FAH: variants seen among roughly 807,000 people sequenced by gnomAD.
The protein encoded by FAH is fumarylacetoacetase.
A neutral mutation model predicts 55.8 loss-of-function variants in FAH; 47 were observed. The observed-to-expected ratio is 0.84, with a 90% CI of 0.67 to 1.07. FAH has a LOEUF of 1.07. Among genes scored for constraint, FAH ranks in the 50% least tolerant of loss-of-function variants. FAH has a pLI of 0.00. For synonymous variants in FAH, 199 were observed against 207.7 expected (o/e 0.96, Z 0.36); for missense variants, 495 against 545.9 (o/e 0.91, Z 0.93).
chr15:80,180,997 A>T, intron 12 of FAH, 45 bp from the exon 13 acceptor site: 1 of 1,502,910 alleles, frequency 6.7e-7, no homozygotes, highest in Non-Finnish European at 9.2e-7. Flanking sequence ...GCCAGAGCCA[A>T]GGCATAAATT....
rs2041253905 is a variant in FAH at position 80,173,017 on chromosome 15, G to A, written c.710G>A (p.Arg237Gln). The change falls in exon 9 of 14, where the codon CGA becomes CAA. Residue 237 changes from arginine (R) to glutamine (Q), a missense_variant. Physicochemically the swap from Arg to Gln is conservative, Grantham distance 43. Coordinates refer to ENST00000561421, the MANE Select transcript of FAH (RefSeq NM_000137.4). The part of the protein sequence containing the change: ...GMVLMNDWSA[R>Q]DIQKWEYVPL... ...TGGCTGTGCCCTTCTTCTGCAGCAC[G>A]AGACATTCAGAAGTGGGAGTATGTC... 3.1e-6 allele frequency: 5 copies of A among 1,614,198 alleles called. No homozygotes were observed. The highest frequency in any genetic ancestry group is 1.3e-5 in the African/African-American group (1 of 75,050).
chr15:80,173,703 T>G, intron 9 of FAH: 1 of 217,834 alleles, frequency 4.6e-6, no homozygotes, highest in South Asian at 7.2e-5. Flanking sequence ...TGTGACCCGA[T>G]AGTCAGTGTC....
intron 2 of FAH, among the ~76,000 whole-genome samples, chr15:80,159,204 C>T (rs1032539367): frequency 2.0e-5 from 3 of 151,162 alleles, no homozygotes; most frequent in African/African-American, 7.3e-5. Flanking sequence ...CATCAGTGCA[C>T]TCCAGCCTGG....
In FAH at chr15:80,159,886, C is replaced by T. The variant is rs952662827; in HGVS notation, c.314+9C>T. 1.9e-6 allele frequency: 3 copies of T among 1,613,892 alleles called. No individual in the cohort carries two copies. The African/African-American group carries it at 4.0e-5, about 22-fold the overall frequency. On this transcript the variant is annotated intron_variant, in intron 3 of 13. Coordinates refer to ENST00000561421, the MANE Select transcript of FAH (RefSeq NM_000137.4). ...ACCGAACTTCGGAAGTGGTGAGAAGCACGTGGTCATAGGGGGGATGAGGGG... is the reference window on the plus strand; with the variant it reads ...ACCGAACTTCGGAAGTGGTGAGAAGTACGTGGTCATAGGGGGGATGAGGGG...
At chr15:80,173,448 G>C in intron 9 of FAH, 1 of 490,218 alleles carries the variant, frequency 2.0e-6, no homozygotes, top group Non-Finnish European at 3.7e-6. Flanking sequence ...GTCCCTGCAG[G>C]TACCAACATT....
intron 2 of FAH, 106 bp downstream of exon 2, chr15:80,158,276 G>A (rs1054379598): frequency 3.1e-5 from 27 of 863,094 alleles, no homozygotes; most frequent in African/African-American, 2.3e-4. Flanking sequence ...TAATGCCATC[G>A]AAGGTCTCAG....
chr15:80,152,931 T>A, upstream of FAH: 1 of 776,026 alleles, frequency 1.3e-6, no homozygotes, highest in Non-Finnish European at 2.1e-6. Context: ...GTCCCTGCTG[T>A]GTCACCCGGA....
chr15:80,172,984 G>C, intron 8 of FAH, 30 bp from the exon 9 acceptor site: 1 of 1,614,192 alleles, frequency 6.2e-7, no homozygotes, highest in Admixed American at 1.7e-5. Context: ...ATCAGCCTTT[G>C]TAAGTCCTGG....
intron 13 of FAH, among the ~76,000 whole-genome samples, chr15:80,184,511 G>C (rs1280120781): frequency 6.6e-6 from 1 of 152,066 alleles, no homozygotes; most frequent in Non-Finnish European, 1.5e-5. Flanking sequence ...CTGCAGTTCC[G>C]AGTTAGTTGT....
intron 5 of FAH, chr15:80,162,820 A>T (rs552287236): frequency 4.4e-6 from 1 of 226,294 alleles, no homozygotes; most frequent in African/African-American, 2.3e-5. Context: ...CATTTTACAG[A>T]CAGGAAAATG....
intron 5 of FAH, among the ~76,000 whole-genome samples, chr15:80,164,023 T>TA (rs1407057874): frequency 2.0e-5 from 3 of 152,242 alleles, no homozygotes; most frequent in Admixed American, 6.5e-5. Flanking sequence ...CTCACTTTTA[T>TA]AAAAAAAGCA....
At chr15:80,157,979 C>A in intron 1 of FAH, 81 bp from the exon 2 acceptor site, 1 of 1,041,574 alleles carries the variant, frequency 9.6e-7, no homozygotes, top group Non-Finnish European at 1.5e-6. Flanking sequence ...GTGGACTCTT[C>A]AATAGATAGG....
intron 5 of FAH, chr15:80,163,644 C>G (rs1192445736): frequency 6.6e-6 from 1 of 152,210 alleles, no homozygotes; most frequent in Non-Finnish European, 1.5e-5. Flanking sequence ...GCTTTATGTA[C>G]ATAGTCTTTA....
chr15:80,165,771 G>A (rs1595892345), intron 5 of FAH, among the ~76,000 whole-genome samples: 1 of 151,972 alleles, frequency 6.6e-6, no homozygotes, highest in African/African-American at 2.4e-5. Context: ...TGAGGACCAT[G>A]CTGGTTTCCT....
chr15:80,172,263 T>G lies in FAH; in HGVS notation c.706+15T>G. On this transcript the variant is annotated intron_variant, in intron 8 of 13. Transcript: ENST00000561421. Reference sequence around the variant, plus strand: ...CGACTGGAGTGGTAATTACTGGAGCTCTGCTCCTGTAGAGATGACGGGGAG... The same window carrying G: ...CGACTGGAGTGGTAATTACTGGAGCGCTGCTCCTGTAGAGATGACGGGGAG... 1.3e-6 allele frequency: 2 copies of G among 1,542,016 alleles called. No homozygotes were observed. The highest frequency in any genetic ancestry group is 1.8e-6 in the Non-Finnish European group (2 of 1,114,144).
At position 80,179,987 on chromosome 15, in the gene FAH, G is replaced by A. The variant is rs2041315320; in HGVS notation, c.961-137G>A. 2.1e-5 allele frequency: 15 copies of A among 707,902 alleles called. No individual in the cohort carries two copies. The South Asian group carries it at 2.2e-4, about 11-fold the overall frequency. The allele number at this position is 707,902 out of a possible 1,614,324, so 43.9% of individuals were successfully genotyped here. ...TGTCCTTACTATAAGGGACTGGAGA[G>A]AGCTGGCTGGGGGAGCTGGGGACCG... On this transcript the variant is annotated intron_variant, in intron 11 of 13. Transcript: ENST00000561421.
In FAH at chr15:80,172,283, G is replaced by T. The variant is rs188308441; in HGVS notation, c.706+35G>T. On this transcript the variant is annotated intron_variant, in intron 8 of 13. Transcript: ENST00000561421. ...GGAGCTCTGCTCCTGTAGAGATGAC[G>T]GGGAGGAGGCTGGGGACTTGGGGCA... is the stretch of plus-strand genomic sequence containing the variant. 3 of 1,511,876 alleles carry T rather than the reference G, an allele frequency of 2.0e-6. No homozygotes were observed. In the Admixed American group the frequency reaches 5.0e-5, roughly 25 times the overall value. 93.7% of individuals were successfully genotyped at this position (1,511,876 alleles called of 1,614,324 possible).
chr15:80,172,655 A>G (rs182010880), intron 8 of FAH, among the ~76,000 whole-genome samples: 1 of 152,362 alleles, frequency 6.6e-6, no homozygotes, highest in East Asian at 1.9e-4. Flanking sequence ...AAAACAGTCC[A>G]GCTTCTGAGC....
intron 8 of FAH, 34 bp downstream of exon 8, chr15:80,172,282 C>T (rs374865516): frequency 5.3e-6 from 8 of 1,509,040 alleles, no homozygotes; most frequent in South Asian, 3.4e-5. Flanking sequence ...GTAGAGATGA[C>T]GGGGAGGAGG....
Sources: allele counts gnomAD v4.1 joint callset (sites outside exome capture counted in the v4.1 genomes callset), GRCh38; gene constraint gnomAD v4.1.1; transcripts MANE v1.5; gene names NCBI Gene and HGNC (gene_info 2026-07-23, HGNC 2026-07-21).